Variants in POGLUT1 observed in about 807,000 individuals in gnomAD.
The protein encoded by POGLUT1 is 9630046K23Rik.
A neutral mutation model predicts 61.3 loss-of-function variants in POGLUT1; 32 were observed. The ratio of observed to expected loss-of-function variants is 0.52; its 90% CI spans 0.39 to 0.70. The LOEUF is 0.70. POGLUT1 is among the 30% of genes least tolerant of loss of function. The probability of loss-of-function intolerance (pLI) is 0.00; values close to 1 mark genes in which losing one functional copy is unlikely to be tolerated. For synonymous variants in POGLUT1, 158 were observed against 158.2 expected (o/e 1.00, Z 0.01); for missense variants, 411 against 469.8 (o/e 0.87, Z 1.16).
Position 119,480,056 on chromosome 3 carries a change from A to G in POGLUT1, c.462A>G (p.Ser154=). The part of the protein sequence containing the change: ...AIPVFSFSKT[S]EYHDIMYPAW... ...CCTGTCTGTTTTTGTTGAAGACATC[A>G]GAGTACCATGATATCATGTATCCTG... Residue 154 remains serine, a synonymous_variant, in exon 5 of 11, where the codon TCA becomes TCG. Coordinates refer to ENST00000295588, the MANE Select transcript of POGLUT1 (RefSeq NM_152305.3). The G allele has an allele frequency of 6.2e-7, 1 of 1,613,752 alleles. No individual in the cohort carries two copies. Among genetic ancestry groups the G allele is most frequent in the Non-Finnish European group, 8.5e-7 (1 of 1,179,788 alleles).
chr3:119,490,582 A>G lies in POGLUT1; in HGVS notation c.829A>G (p.Ser277Gly). ...YLFNFRGVAA[S>G]FRFKHLFLCG... is the part of the protein sequence containing the mutation. ...GTTTAATTTTCGAGGCGTAGCTGCAAGTTTCCGGTTTAAACACCTCTTCCT... is the reference window on the plus strand; with the variant it reads ...GTTTAATTTTCGAGGCGTAGCTGCAGGTTTCCGGTTTAAACACCTCTTCCT... The change falls in exon 9 of 11, where the codon AGT (serine) becomes GGT (glycine). Residue 277 changes from serine (S) to glycine (G), a missense_variant. Transcript: ENST00000295588. The G allele has an allele frequency of 6.2e-7, 1 of 1,614,086 alleles. No homozygotes were observed. The highest frequency in any genetic ancestry group is 8.5e-7 in the Non-Finnish European group (1 of 1,179,998).
chr3:119,475,811 CAAA>C (rs570304235), intron 3 of POGLUT1, among the ~76,000 whole-genome samples: 1 of 123,006 alleles, frequency 8.1e-6, no homozygotes, highest in East Asian at 2.3e-4. Context: ...GGCTCCATCT[CAAA>C]AAAAAAAAAA....
chr3:119,477,230 C>T (rs2081547899), intron 3 of POGLUT1, 83 bp from the exon 4 acceptor site: 1 of 1,364,394 alleles, frequency 7.3e-7, no homozygotes, highest in African/African-American at 1.4e-5. Context: ...GCTTGTCTTA[C>T]TTTAAAATGT....
chr3:119,471,498 G>A (rs1287704532), intron 3 of POGLUT1, 46 bp downstream of exon 3: 2 of 1,567,766 alleles, frequency 1.3e-6, no homozygotes, highest in African/African-American at 1.4e-5. Flanking sequence ...TATTACATAT[G>A]GGCTTGATAC....
intron 10 of POGLUT1, among the ~76,000 whole-genome samples, 190 bp from the exon 11 acceptor site, chr3:119,492,092 G>T (rs1202852268): frequency 1.5e-5 from 2 of 135,830 alleles, no homozygotes; most frequent in East Asian, 4.6e-4. Flanking sequence ...AAAGGAAAAA[G>T]ATTGTTAAGT....
chr3:119,476,045 A>G (rs1031552868), intron 3 of POGLUT1, among the ~76,000 whole-genome samples: 3 of 151,476 alleles, frequency 2.0e-5, no homozygotes, highest in Non-Finnish European at 2.9e-5. Context: ...AGTCCCAGCT[A>G]CTCAGGAGGC....
At chr3:119,471,723 C>T in intron 3 of POGLUT1, 1 of 413,692 alleles carries the variant, frequency 2.4e-6, no homozygotes, top group Non-Finnish European at 4.5e-6. Flanking sequence ...ATAGTAGCGG[C>T]AGGACACAGG....
chr3:119,480,230 A>ATAGAATAT, intron 5 of POGLUT1, 58 bp downstream of exon 5: 1 of 1,357,086 alleles, frequency 7.4e-7, no homozygotes, highest in Non-Finnish European at 1.0e-6. Flanking sequence ...GAAATAAGCC[A>ATAGAATAT]TAGAATATAA....
At chr3:119,472,312 A>G (rs2081483777) in intron 3 of POGLUT1, among the ~76,000 whole-genome samples, 1 of 152,176 alleles carries the variant, frequency 6.6e-6, no homozygotes, top group Non-Finnish European at 1.5e-5. Flanking sequence ...TTCTGTCATT[A>G]AAAGTGAAAT....
chr3:119,472,788 C>T (rs770654958), intron 3 of POGLUT1, among the ~76,000 whole-genome samples: 4 of 152,144 alleles, frequency 2.6e-5, no homozygotes, highest in South Asian at 2.1e-4. Flanking sequence ...CCCAGCACTT[C>T]GGGAAGTCAA....
chr3:119,472,509 G>T (rs2081486791), intron 3 of POGLUT1, among the ~76,000 whole-genome samples: 2 of 152,168 alleles, frequency 1.3e-5, no homozygotes, highest in Admixed American at 1.3e-4. Flanking sequence ...TTGAAGTCGG[G>T]AGTTTGAGAC....
intron 7 of POGLUT1, among the ~76,000 whole-genome samples, chr3:119,487,681 T>G (rs2081683745): frequency 6.6e-6 from 1 of 152,218 alleles, no homozygotes; most frequent in Non-Finnish European, 1.5e-5. Context: ...CATAAAATAT[T>G]ATTCTTTTGC....
intron 5 of POGLUT1, among the ~76,000 whole-genome samples, chr3:119,481,532 A>G (rs1238426399): frequency 6.6e-6 from 1 of 152,236 alleles, no homozygotes; most frequent in Non-Finnish European, 1.5e-5. Flanking sequence ...GATTAAGGTA[A>G]TATTCCCTTC....
intron 5 of POGLUT1, among the ~76,000 whole-genome samples, chr3:119,482,640 A>G (rs1455080709): frequency 6.6e-6 from 1 of 152,132 alleles, no homozygotes; most frequent in Non-Finnish European, 1.5e-5. Flanking sequence ...TAGAAATACA[A>G]TTTTGTTTTT....
At chr3:119,486,100 A>G (rs2081660727) in intron 6 of POGLUT1, among the ~76,000 whole-genome samples, 1 of 152,186 alleles carries the variant, frequency 6.6e-6, no homozygotes, top group East Asian at 1.9e-4. Flanking sequence ...TAGGAGGTAA[A>G]TGGATTATCC....
intron 2 of POGLUT1, 75 bp from the exon 3 acceptor site, chr3:119,471,234 A>C: frequency 7.2e-7 from 1 of 1,384,016 alleles, no homozygotes; most frequent in Non-Finnish European, 1.0e-6. Context: ...ACGAAACCTA[A>C]ATGCACTTAG....
At chr3:119,478,153 A>G in intron 4 of POGLUT1, 1 of 347,376 alleles carries the variant, frequency 2.9e-6, no homozygotes, top group Non-Finnish European at 5.6e-6. Context: ...CAAGGAAAGC[A>G]TTTGGGGGTG....
Position 119,490,662 on chromosome 3 carries a change from A to C in POGLUT1, c.909A>C (p.Pro303=). Residue 303 remains proline (P), a synonymous_variant, in exon 9 of 11, where the codon CCA becomes CCC. Transcript: ENST00000295588. The part of the protein sequence containing the change: ...VGDEWLEFFY[P]QLKPWVHYIP... ...ATGAGTGGCTAGAATTCTTCTATCC[A>C]CAGCTGAAGCCATGGGTTCACTATA... 1 of 1,614,138 alleles carries C rather than the reference A, an allele frequency of 6.2e-7. No homozygotes were observed. The highest frequency in any genetic ancestry group is 8.5e-7 in the Non-Finnish European group (1 of 1,180,000).
Position 119,490,596 on chromosome 3 carries a change from A to G in POGLUT1, c.843A>G (p.Lys281=). Residue 281 remains lysine (K), a synonymous_variant, in exon 9 of 11, where the codon AAA becomes AAG. Transcript: ENST00000295588. The part of the protein sequence containing the change: ...FRGVAASFRF[K]HLFLCGSLVF... ...GCGTAGCTGCAAGTTTCCGGTTTAA[A>G]CACCTCTTCCTGTGTGGCTCACTTG... 1.2e-6 allele frequency: 2 copies of G among 1,614,084 alleles called. No individual in the cohort carries two copies.
Sources: allele counts gnomAD v4.1 joint callset (sites outside exome capture counted in the v4.1 genomes callset), GRCh38; gene constraint gnomAD v4.1.1; transcripts MANE v1.5; gene names NCBI Gene and HGNC (gene_info 2026-07-23, HGNC 2026-07-21).